Variants in CLINT1 observed in about 807,000 individuals in gnomAD.
The protein encoded by CLINT1 is clathrin interacting protein localized in the trans-Golgi region.
In CLINT1, 15 loss-of-function variants were observed where a neutral mutation model predicts 70.4. The ratio of observed to expected loss-of-function variants is 0.21; its 90% confidence interval spans 0.14 to 0.33. The LOEUF is 0.33. CLINT1 is among the 10% of genes least tolerant of loss of function. The pLI, the probability that CLINT1 is intolerant of heterozygous loss-of-function variation, is 1.00. For synonymous variants in CLINT1, 227 were observed against 254.7 expected, an observed-to-expected ratio of 0.89 and a Z score of 1.04; for missense variants, 615 against 778.1, an observed-to-expected ratio of 0.79 and a Z score of 2.49.
chr5:157,817,142 T>C (rs1762745730), intron 2 of CLINT1, among the ~76,000 whole-genome samples: 1 of 152,150 alleles, frequency 6.6e-6, no homozygotes, highest in Admixed American at 6.5e-5. Context: ...TTTTTGTAAC[T>C]TTCACTTCAA....
intron 2 of CLINT1, among the ~76,000 whole-genome samples, chr5:157,817,199 G>A (rs948598987): frequency 1.3e-5 from 2 of 152,028 alleles, no homozygotes; most frequent in African/African-American, 4.8e-5. Context: ...GAGCTACAGT[G>A]TATCTCAAAA....
Position 157,794,930 on chromosome 5 carries a change from G to A in CLINT1, c.1055C>T (p.Ser352Leu). The change falls in exon 9 of 12, where the codon TCA becomes TTA. Residue 352 changes from serine (S) to leucine (L), a missense_variant. This residue lies in a region of CLINT1 where 374 missense variants were observed against 409.6 expected (regional missense o/e 0.91). Transcript: ENST00000411809. The part of the protein sequence containing the change: ...DLFGGFADFG[S>L]AAASGSFPSQ... ...AGGGAAACTGCCTGATGCAGCAGCT[G>A]AGCCAAAGTCAGCAAATCCTCCGAA... The A allele has an allele frequency of 3.9e-6, 6 of 1,558,172 alleles. No individual in the cohort carries two copies. The highest frequency in any genetic ancestry group is 1.7e-4 in the Middle Eastern group (1 of 6,006).
At position 157,787,565 on chromosome 5, in the gene CLINT1, G is replaced by T; in HGVS notation, c.*81C>A. On this transcript the variant is annotated 3_prime_UTR_variant, in exon 12 of 12. Transcript: ENST00000411809. The stretch of plus-strand genomic sequence containing the variant: ...TAATTACTTGATAAAAGAAAGGGTA[G>T]TTGATTAGCATTTTCCATCCCAACA... 1.8e-6 allele frequency: 2 copies of T among 1,111,242 alleles called. No homozygotes were observed. The highest frequency in any genetic ancestry group is 2.6e-6 in the Non-Finnish European group (2 of 758,346). The allele number at this position is 1,111,242 out of a possible 1,614,324, so 68.8% of individuals were successfully genotyped here. A position where few individuals can be genotyped will look rare whatever the true frequency, so the allele number is the denominator to read the frequency against.
chr5:157,829,379 CT>C (rs1220732349), intron 1 of CLINT1, among the ~76,000 whole-genome samples: 6 of 152,080 alleles, frequency 3.9e-5, no homozygotes, highest in Admixed American at 3.9e-4. Context: ...GTGAAAAATA[CT>C]TTGCCTGGAA....
chr5:157,798,256 TAAA>T (rs1762120256), intron 8 of CLINT1, among the ~76,000 whole-genome samples: 1 of 152,164 alleles, frequency 6.6e-6, no homozygotes, highest in Admixed American at 6.5e-5. Flanking sequence ...GGAATATAAA[TAAA>T]AGAGTCTACC....
chr5:157,800,500 T>C (rs1762177929), intron 8 of CLINT1, among the ~76,000 whole-genome samples: 1 of 152,150 alleles, frequency 6.6e-6, no homozygotes. Context: ...TTAAAATATA[T>C]TATTAAAATA....
chr5:157,837,238 C>A (rs1032804742), intron 1 of CLINT1, among the ~76,000 whole-genome samples: 1 of 152,076 alleles, frequency 6.6e-6, no homozygotes, highest in East Asian at 1.9e-4. Context: ...CCTGCCTCTA[C>A]AAAGTATAAA....
intron 5 of CLINT1, 149 bp from the exon 6 acceptor site, chr5:157,809,954 C>T: frequency 2.8e-6 from 2 of 711,906 alleles, no homozygotes; most frequent in Non-Finnish European, 4.5e-6. Flanking sequence ...AACACAATTA[C>T]AGCAAGGCAT....
intron 1 of CLINT1, among the ~76,000 whole-genome samples, chr5:157,842,964 G>A (rs893148293): frequency 3.3e-5 from 5 of 152,068 alleles, no homozygotes; most frequent in African/African-American, 7.2e-5. Context: ...AAGTAAGGAC[G>A]GTGAGGTGTT....
chr5:157,832,816 C>T (rs1763287735), intron 1 of CLINT1, among the ~76,000 whole-genome samples: 1 of 152,142 alleles, frequency 6.6e-6, no homozygotes, highest in Non-Finnish European at 1.5e-5. Flanking sequence ...CAATTCTATT[C>T]CCTAGGTACC....
intron 1 of CLINT1, among the ~76,000 whole-genome samples, chr5:157,818,462 G>A (rs1207017020): frequency 7.8e-6 from 1 of 128,918 alleles, no homozygotes; most frequent in African/African-American, 3.3e-5. Context: ...GTGAGACCTG[G>A]TCTCTAAAAA....
chr5:157,796,828 T>C (rs1371482538), intron 8 of CLINT1, among the ~76,000 whole-genome samples: 1 of 152,178 alleles, frequency 6.6e-6, no homozygotes, highest in African/African-American at 2.4e-5. Context: ...TGTAGTCAAC[T>C]AGCAGCAGGC....
intron 5 of CLINT1, among the ~76,000 whole-genome samples, chr5:157,811,351 G>A (rs970361276): frequency 1.3e-5 from 2 of 152,020 alleles, no homozygotes; most frequent in Non-Finnish European, 1.5e-5. Context: ...AGACCAGCCT[G>A]GCCAACATGG....
chr5:157,791,529 G>C, intron 10 of CLINT1, 174 bp downstream of exon 10: 1 of 626,086 alleles, frequency 1.6e-6, no homozygotes, highest in Admixed American at 3.0e-5. Context: ...TATGCTAGGG[G>C]AGAGTATGAG....
intron 4 of CLINT1, among the ~76,000 whole-genome samples, chr5:157,813,901 C>T (rs1020136283): frequency 6.6e-6 from 1 of 152,184 alleles, no homozygotes; most frequent in Admixed American, 6.5e-5. Context: ...ATGATTAAAG[C>T]TATTCCTTTA....
At chr5:157,819,081 G>C (rs970526033) in intron 1 of CLINT1, among the ~76,000 whole-genome samples, 6 of 152,056 alleles carry the variant, frequency 3.9e-5, no homozygotes, top group African/African-American at 1.4e-4. Flanking sequence ...AGGAAGGTTT[G>C]GTTGAAATTG....
intron 1 of CLINT1, among the ~76,000 whole-genome samples, chr5:157,828,684 T>C (rs1763114245): frequency 6.6e-6 from 1 of 152,124 alleles, no homozygotes; most frequent in African/African-American, 2.4e-5. Flanking sequence ...GTAAAACTTC[T>C]CTCAAATTGC....
chr5:157,792,096 C>A (rs2085796862), intron 9 of CLINT1, 101 bp from the exon 10 acceptor site: 2 of 961,656 alleles, frequency 2.1e-6, no homozygotes, highest in Admixed American at 2.5e-5. Flanking sequence ...TCTGAGTCCC[C>A]CAGATTAACA....
At chr5:157,807,167 T>C (rs1368321142) in intron 6 of CLINT1, among the ~76,000 whole-genome samples, 5 of 152,070 alleles carry the variant, frequency 3.3e-5, no homozygotes, top group Non-Finnish European at 7.4e-5. Flanking sequence ...TACTTAAATA[T>C]AAACCAATCT....
Sources: allele counts gnomAD v4.1 joint callset (sites outside exome capture counted in the v4.1 genomes callset), GRCh38; gene constraint gnomAD v4.1.1; regional missense constraint gnomAD v4.1.1; transcripts MANE v1.5; gene names NCBI Gene and HGNC (gene_info 2026-07-23, HGNC 2026-07-21).